MPP7: variants seen among roughly 807,000 people sequenced by gnomAD.
MPP7 encodes MAGUK p55 subfamily member 7.
In MPP7, 60 loss-of-function variants were observed where a neutral mutation model predicts 76.5. That is an observed-to-expected ratio of 0.78 (90% confidence interval 0.64 to 0.97). The LOEUF is 0.97. Among genes scored for constraint, MPP7 ranks in the 50% least tolerant of loss-of-function variants. MPP7 has a pLI of 0.00. For synonymous variants in MPP7, 237 were observed against 244.5 expected, an observed-to-expected ratio of 0.97 and a Z score of 0.29; for missense variants, 641 against 694.0, an observed-to-expected ratio of 0.92 and a Z score of 0.86.
rs189705067 is a variant in MPP7, at chr10:28,333,547, A to G, written c.-206+871T>C. Among the ~76,000 whole-genome samples, 549 of 152,342 alleles carry G rather than the reference A, an allele frequency of 3.6e-3. 2 individuals carry two copies. The highest frequency in any genetic ancestry group is 7.0e-3 in the Admixed American group (107 of 15,300). On this transcript the variant is annotated intron_variant, in intron 1 of 11. Coordinates refer to the MPP7 transcript ENST00000441595. ...CTCAGAAGTAACAGGAAAAGGTTACATGTAGGTCTCAGATGTTCCGTTATG... is the reference window on the plus strand; with the variant it reads ...CTCAGAAGTAACAGGAAAAGGTTACGTGTAGGTCTCAGATGTTCCGTTATG...
chr10:28,188,764 G>C (rs909619384), intron 3 of MPP7, among the ~76,000 whole-genome samples: 4 of 152,068 alleles, frequency 2.6e-5, no homozygotes, highest in Non-Finnish European at 5.9e-5. Flanking sequence ...AATTACTTCA[G>C]GCTTCTCATC....
At chr10:28,229,505 A>G (rs1475611316) in intron 2 of MPP7, among the ~76,000 whole-genome samples, 1 of 152,228 alleles carries the variant, frequency 6.6e-6, no homozygotes, top group Non-Finnish European at 1.5e-5. Flanking sequence ...TGGAAAAACC[A>G]TGGTGGATGA....
chr10:28,151,086 T>G (rs1266745116), intron 3 of MPP7, among the ~76,000 whole-genome samples: 1 of 152,100 alleles, frequency 6.6e-6, no homozygotes, highest in East Asian at 1.9e-4. Flanking sequence ...AGTAATACAC[T>G]CTTTAATTAT....
intron 11 of MPP7, among the ~76,000 whole-genome samples, chr10:28,109,847 G>GGAAA (rs1834438755): frequency 3.3e-4 from 1 of 3,010 alleles, no homozygotes; most frequent in Non-Finnish European, 9.2e-4. Flanking sequence ...AGCCGCAGAC[G>GGAAA]CAAAAAAAAA....
At chr10:28,127,947 G>T (rs1045689055) in intron 6 of MPP7, among the ~76,000 whole-genome samples, 1 of 152,230 alleles carries the variant, frequency 6.6e-6, no homozygotes, top group Non-Finnish European at 1.5e-5. Context: ...CCAGTGCAAA[G>T]GTGCCAAGGG....
intron 11 of MPP7, among the ~76,000 whole-genome samples, chr10:28,109,218 G>A (rs897142268): frequency 3.9e-5 from 6 of 152,120 alleles, no homozygotes; most frequent in African/African-American, 1.4e-4. Context: ...AACCCCGGAG[G>A]CAGAGGTTGC....
At chr10:28,126,447 T>C (rs1387512680) in intron 6 of MPP7, among the ~76,000 whole-genome samples, 1 of 152,244 alleles carries the variant, frequency 6.6e-6, no homozygotes, top group Non-Finnish European at 1.5e-5. Context: ...CTAAGTTTAC[T>C]TATCCATAGT....
At chr10:28,089,516 A>G (rs529229906) in intron 12 of MPP7, among the ~76,000 whole-genome samples, 155 bp downstream of exon 12, 15 of 152,344 alleles carry the variant, frequency 9.8e-5, no homozygotes, top group Non-Finnish European at 2.9e-5. Flanking sequence ...TCAATTACGT[A>G]CAAAAAACTA....
chr10:28,219,070 A>C (rs1323650725), intron 2 of MPP7, among the ~76,000 whole-genome samples: 1 of 152,230 alleles, frequency 6.6e-6, no homozygotes, highest in Non-Finnish European at 1.5e-5. Flanking sequence ...TACGGAGCAT[A>C]GATCCACCTA....
chr10:28,267,005 G>A (rs976144531), intron 1 of MPP7, among the ~76,000 whole-genome samples: 32 of 152,214 alleles, frequency 2.1e-4, no homozygotes, highest in African/African-American at 7.7e-4. Context: ...TGTCACAGAT[G>A]TCAAAGAGCT....
chr10:28,142,034 A>G (rs1170888302), intron 5 of MPP7, among the ~76,000 whole-genome samples: 6 of 152,170 alleles, frequency 3.9e-5, no homozygotes. Context: ...ACAGAGTGAT[A>G]ATTTCAAACT....
rs1564634826 is a variant in MPP7 at position 28,109,865 on chromosome 10, A to ACAAAACAAAAC, written c.952+9785_952+9786insGTTTTGTTTTG. Reference sequence around the variant, plus strand: ...CGCAGACGCAAAAAAAAAAAAAAAAAAAAAAAAACACTTAAAACAATTAGG... The same window carrying ACAAAACAAAAC: ...CGCAGACGCAAAAAAAAAAAAAAAAACAAAACAAAACAAAAAAAACACTTAAAACAATTAGG... On this transcript the variant is annotated intron_variant, in intron 11 of 16. Coordinates refer to ENST00000683449, the MANE Select transcript of MPP7 (RefSeq NM_001318170.2). 1.5e-4 allele frequency among the ~76,000 whole-genome samples: 23 copies of ACAAAACAAAAC among 149,346 alleles called. 1 individual carries two copies. In the East Asian group the frequency reaches 2.8e-3, roughly 18 times the overall value.
intron 2 of MPP7, among the ~76,000 whole-genome samples, chr10:28,329,642 A>C (rs1301563499): frequency 1.3e-5 from 2 of 151,914 alleles, no homozygotes. Context: ...AAAAAAAAAA[A>C]AAAAAAAAAA....
At chr10:28,109,279 C>A (rs977011160) in intron 11 of MPP7, among the ~76,000 whole-genome samples, 1 of 152,054 alleles carries the variant, frequency 6.6e-6, no homozygotes, top group Non-Finnish European at 1.5e-5. Flanking sequence ...CAGAGTGAGA[C>A]TCCATCTCAA....
chr10:28,053,992 C>A lies in MPP7; in HGVS notation c.*73G>T, dbSNP rs1851450135. On this transcript the variant is annotated 3_prime_UTR_variant, in exon 17 of 17. Coordinates refer to ENST00000683449, the MANE Select transcript of MPP7 (RefSeq NM_001318170.2). The stretch of plus-strand genomic sequence containing the variant: ...TATGACAGTGATATAGATTTAAAAA[C>A]CCTACTACCAAAACTGTAATTGATT... 2 of 1,153,484 alleles carry A rather than the reference C, an allele frequency of 1.7e-6. No homozygotes were observed. The highest frequency in any genetic ancestry group is 2.6e-6 in the Non-Finnish European group (2 of 782,100). 71.5% of individuals were successfully genotyped at this position (1,153,484 alleles called of 1,614,324 possible).
chr10:28,224,847 ATT>A (rs1838635837), intron 2 of MPP7, among the ~76,000 whole-genome samples: 1 of 152,164 alleles, frequency 6.6e-6, no homozygotes. Context: ...TAAGAATTAG[ATT>A]TTGTTTATCA....
chr10:28,227,940 G>A (rs1325387843), intron 2 of MPP7, among the ~76,000 whole-genome samples: 1 of 152,146 alleles, frequency 6.6e-6, no homozygotes, highest in Non-Finnish European at 1.5e-5. Context: ...CTCACCAACA[G>A]GATAAAAGCA....
At chr10:28,100,530 A>G (rs1314108275) in intron 11 of MPP7, among the ~76,000 whole-genome samples, 1 of 152,178 alleles carries the variant, frequency 6.6e-6, no homozygotes. Flanking sequence ...TCACCAAAGA[A>G]AAATGAACAT....
intron 3 of MPP7, among the ~76,000 whole-genome samples, chr10:28,191,389 C>T (rs554157367): frequency 5.3e-5 from 8 of 152,212 alleles, no homozygotes; most frequent in Admixed American, 1.3e-4. Context: ...CAAAAAAACT[C>T]AACAAAATAT....
Sources: gnomAD v4.1 joint callset for allele counts (sites outside exome capture counted in the v4.1 genomes callset) on GRCh38, gnomAD v4.1.1 for gene constraint, MANE v1.5 for transcripts, NCBI Gene and HGNC (gene_info 2026-07-23, HGNC 2026-07-21) for gene names.